L3MBTL2: variants seen among roughly 807,000 people sequenced by gnomAD.
L3MBTL2 encodes L3MBTL histone methyl-lysine binding protein 2, also known as lethal(3)malignant brain tumor-like protein 2.
In L3MBTL2, 49 loss-of-function variants were observed where a neutral mutation model predicts 86.4. The ratio of observed to expected loss-of-function variants is 0.57; its 90% confidence interval spans 0.45 to 0.72. The LOEUF (loss-of-function observed/expected upper bound fraction) is 0.72, where lower values mean the gene tolerates loss of function less well. Ranked by LOEUF, L3MBTL2 falls within the 30% of genes least tolerant of loss-of-function variation. L3MBTL2 has a pLI of 0.00. For synonymous variants in L3MBTL2, 336 were observed against 350.6 expected (o/e 0.96, Z 0.47); for missense variants, 755 against 923.7 (o/e 0.82, Z 2.37).
At chr22:41,222,964 T>C (rs2031929320) in intron 8 of L3MBTL2, among the ~76,000 whole-genome samples, 1 of 151,824 alleles carries the variant, frequency 6.6e-6, no homozygotes, top group South Asian at 2.1e-4. Flanking sequence ...CGTTGGATTG[T>C]GGGCTGCACT....
chr22:41,230,230 C>A lies in L3MBTL2; in HGVS notation c.2097C>A (p.Ile699=), dbSNP rs764729960. 1.2e-6 allele frequency: 2 copies of A among 1,610,266 alleles called. No homozygotes were observed. Among genetic ancestry groups the A allele is most frequent in the Non-Finnish European group, 1.7e-6 (2 of 1,177,694 alleles). ...AGCTGCCTGTCTCCGTCGAGAACAT[C>A]AAGCAGGAAACAGACGACTGAGCCT... is the stretch of plus-strand genomic sequence containing the variant. ...SPELPVSVEN[I]KQETDD The change falls in exon 17 of 17, where the codon ATC becomes ATA. Residue 699 remains isoleucine (I), a synonymous_variant. Coordinates refer to ENST00000216237, the MANE Select transcript of L3MBTL2 (RefSeq NM_031488.5).
At chr22:41,216,948 G>T (rs907301123) in intron 4 of L3MBTL2, 175 bp from the exon 5 acceptor site, 5 of 582,348 alleles carry the variant, frequency 8.6e-6, no homozygotes, top group Non-Finnish European at 1.5e-5. Context: ...GGTCCCTCAT[G>T]GCCACTGGTG....
chr22:41,208,296 A>T, intron 1 of L3MBTL2: 2 of 437,900 alleles, frequency 4.6e-6, no homozygotes, highest in South Asian at 3.2e-5. Context: ...CACCTGGCTA[A>T]TTTTTTTTTC....
chr22:41,217,057 G>C, intron 4 of L3MBTL2, 66 bp from the exon 5 acceptor site: 3 of 1,335,322 alleles, frequency 2.2e-6, no homozygotes, highest in Non-Finnish European at 3.2e-6. Context: ...AGGGCCCTTG[G>C]GGTCCAGGCT....
At chr22:41,217,323 C>T (rs958078329) in intron 5 of L3MBTL2, 121 bp downstream of exon 5, 5 of 704,284 alleles carry the variant, frequency 7.1e-6, no homozygotes, top group Admixed American at 2.3e-5. Context: ...GGGCAGGAGA[C>T]GGATGGCGTT....
chr22:41,206,580 C>T (rs1323417227), intron 1 of L3MBTL2, among the ~76,000 whole-genome samples: 1 of 151,864 alleles, frequency 6.6e-6, no homozygotes, highest in Admixed American at 6.6e-5. Flanking sequence ...GGGCAGATCA[C>T]GAGGTCAGGA....
At position 41,224,827 on chromosome 22, in the gene L3MBTL2, TC is replaced by T; in HGVS notation, c.1251+30del. On this transcript the variant is annotated intron_variant, in intron 10 of 16. Transcript: ENST00000216237. The surrounding 1 kb of genome is among the most constrained non-coding windows in gnomAD (Gnocchi z 4.9). ...GTGAGGTTCAGCTCTTGGGCGCTTT[TC>T]CCCTCAGCCATGGGTCCATTCCGGG... The T allele has an allele frequency of 6.2e-7, 1 of 1,601,982 alleles. No homozygotes were observed. The highest frequency in any genetic ancestry group is 8.6e-7 in the Non-Finnish European group (1 of 1,168,994).
At position 41,230,141 on chromosome 22, in the gene L3MBTL2, A is replaced by C. The variant is rs545989836; in HGVS notation, c.2008A>C (p.Ile670Leu). 6.5e-7 allele frequency: 1 copy of C among 1,543,440 alleles called. No homozygotes were observed. Among genetic ancestry groups the C allele is most frequent in the African/African-American group, 1.6e-5 (1 of 64,152 alleles). ...ACCCGCCTCCCCTCCCTCTTCAGTC[A>C]TTGCTGTGCGTGTGAAGGAAGAGCA... ...ISSEPVPGEI[I>L]AVRVKEEHLD... The change falls in exon 17 of 17, where the codon ATT (isoleucine) becomes CTT (leucine). Residue 670 changes from isoleucine to leucine, a missense_variant and splice_region_variant. Around this residue, in one of 3 missense-constraint regions of L3MBTL2, gnomAD observed 634 missense variants for 748.9 expected, o/e 0.85. Transcript: ENST00000216237.
chr22:41,210,101 C>A, intron 2 of L3MBTL2, 168 bp downstream of exon 2: 1 of 706,566 alleles, frequency 1.4e-6, no homozygotes, highest in Non-Finnish European at 2.2e-6. Context: ...AGAAGCACCC[C>A]AAGTAGCCAC....
chr22:41,230,076 T>TCCACC lies in L3MBTL2; in HGVS notation c.2006-61_2006-60insACCCC. ...GGAGCCAGGTCCCTTTCCCAGCTCC[T>TCCACC]CCGCCCCCACCCCTCCCAGAGTTAT... On this transcript the variant is annotated intron_variant, in intron 16 of 16. Coordinates refer to ENST00000216237, the MANE Select transcript of L3MBTL2 (RefSeq NM_031488.5). 3.3e-6 allele frequency: 3 copies of TCCACC among 912,384 alleles called. No homozygotes were observed. The South Asian group carries it at 4.8e-5, about 15-fold the overall frequency. 56.5% of individuals were successfully genotyped at this position (912,384 alleles called of 1,614,324 possible). A position where few individuals can be genotyped will look rare whatever the true frequency, so the allele number is the denominator to read the frequency against.
At chr22:41,221,708 G>A (rs894965874) in intron 8 of L3MBTL2, among the ~76,000 whole-genome samples, 12 of 152,004 alleles carry the variant, frequency 7.9e-5, no homozygotes, top group Admixed American at 7.2e-4. Flanking sequence ...CTGGGTTCAC[G>A]CCATTCTCCT....
Position 41,225,278 on chromosome 22 carries a change from T to C in L3MBTL2, c.1356+207T>C, listed in dbSNP as rs1237424278. On this transcript the variant is annotated intron_variant, in intron 11 of 16. Transcript: ENST00000216237. This position sits in a 1 kb window ranked among gnomAD's most constrained non-coding sequence, Gnocchi z 4.1. ...TTTCGTGTCAGGGTCCAAGGCTCCC[T>C]GGACGAGTGCTTATTCAACACCTGA... Among the ~76,000 whole-genome samples, 1 of 152,174 alleles carries C rather than the reference T, an allele frequency of 6.6e-6. No individual in the cohort carries two copies. Among genetic ancestry groups the C allele is most frequent in the East Asian group, 1.9e-4 (1 of 5,190 alleles).
intron 13 of L3MBTL2, 33 bp downstream of exon 13, chr22:41,226,777 G>A (rs145015104): frequency 5.6e-5 from 84 of 1,487,748 alleles, no homozygotes; most frequent in African/African-American, 9.7e-5. Context: ...AGGGGCCTGC[G>A]GTGGCCTCAG....
chr22:41,224,118 AG>A lies in L3MBTL2; in HGVS notation c.1042del (p.Val348Ter). 1 of 1,614,152 alleles carries A rather than the reference AG, an allele frequency of 6.2e-7. No homozygotes were observed. Among genetic ancestry groups the A allele is most frequent in the South Asian group, 1.1e-5 (1 of 91,084 alleles). On this transcript the variant is annotated frameshift_variant, in exon 9 of 17. Transcript: ENST00000216237. LOFTEE classifies it high-confidence loss of function. The surrounding 1 kb of genome is among the most constrained non-coding windows in gnomAD (Gnocchi z 4.9). ...GCACTCGCATGGCTGTGGTGGACAC[AG>A]TAATCGGGGGTCGCCTACGGCTCCT... ...SRTRMAVVDT[V>X]IGGRLRLLYE... is the part of the protein sequence containing the mutation.
intron 8 of L3MBTL2, among the ~76,000 whole-genome samples, chr22:41,223,290 G>A (rs558526478): frequency 6.6e-6 from 1 of 152,320 alleles, no homozygotes; most frequent in Admixed American, 6.5e-5. Flanking sequence ...GTGCCCTGGG[G>A]CTGGAAAAGC....
At position 41,225,060 on chromosome 22, in the gene L3MBTL2, ACTGT is replaced by A; in HGVS notation, c.1350_1353del (p.Cys451ArgfsTer8). 6.2e-7 allele frequency: 1 copy of A among 1,613,762 alleles called. No homozygotes were observed. The highest frequency in any genetic ancestry group is 8.5e-7 in the Non-Finnish European group (1 of 1,179,776). On this transcript the variant is annotated frameshift_variant, in exon 11 of 17. Coordinates refer to ENST00000216237, the MANE Select transcript of L3MBTL2 (RefSeq NM_031488.5). LOFTEE classifies it high-confidence loss of function. The surrounding 1 kb of genome is among the most constrained non-coding windows in gnomAD (Gnocchi z 4.1). ...GAATCTGGGCAACATCTGCGTGGCAACTGTCTGTAAGGTGAGCCAGGGGCCGGCT... is the reference window on the plus strand; with the variant it reads ...GAATCTGGGCAACATCTGCGTGGCAACTGTAAGGTGAGCCAGGGGCCGGCT...
intron 2 of L3MBTL2, among the ~76,000 whole-genome samples, chr22:41,210,170 A>T: frequency 5.4e-5 from 6 of 111,440 alleles, no homozygotes; most frequent in Admixed American, 2.3e-4. Context: ...TTTTTTTGAG[A>T]CTTGAGTGTC....
intron 5 of L3MBTL2, chr22:41,218,204 A>C (rs889840266): frequency 6.6e-6 from 1 of 152,264 alleles, no homozygotes; most frequent in Non-Finnish European, 1.5e-5. Context: ...GGCTGAAGCC[A>C]GGGCTGAGAA....
At chr22:41,221,493 G>T in intron 8 of L3MBTL2, 1 of 575,688 alleles carries the variant, frequency 1.7e-6, no homozygotes, top group Non-Finnish European at 3.2e-6. Flanking sequence ...GCCCCACCCA[G>T]ACTCTGCTCC....
Sources: gnomAD v4.1 joint callset for allele counts (sites outside exome capture counted in the v4.1 genomes callset) on GRCh38, gnomAD v4.1.1 for gene constraint, gnomAD v4.1.1 regional missense constraint, Gnocchi (gnomAD v3.1) non-coding constraint, MANE v1.5 for transcripts, NCBI Gene and HGNC (gene_info 2026-07-23, HGNC 2026-07-21) for gene names.